DOCK4: variants seen among roughly 807,000 people sequenced by gnomAD.
DOCK4 encodes dedicator of cytokinesis protein 4.
In DOCK4, 97 loss-of-function variants were observed where a neutral mutation model predicts 268.1. The observed-to-expected ratio is 0.36, with a 90% CI of 0.31 to 0.43. The LOEUF (loss-of-function observed/expected upper bound fraction) is 0.43. DOCK4 is among the 20% of genes least tolerant of loss of function. The pLI, the probability that DOCK4 is intolerant of heterozygous loss-of-function variation, is 1.00. For missense variants in DOCK4, 2,145 were observed against 2,455.7 expected (o/e 0.87, Z 2.67); for synonymous variants, 954 against 887.2 (o/e 1.08, Z -1.34).
At chr7:111,741,424 GTTAT>G (rs1293402700) in intron 46 of DOCK4, 112 bp downstream of exon 46, 2 of 1,473,568 alleles carry the variant, frequency 1.4e-6, no homozygotes, top group Non-Finnish European at 1.8e-6. Flanking sequence ...TCGCGGGTTA[GTTAT>G]TTCATTAAGA....
At chr7:111,868,380 A>C (rs1197649356) in intron 21 of DOCK4, among the ~76,000 whole-genome samples, 2 of 152,214 alleles carry the variant, frequency 1.3e-5, no homozygotes, top group Non-Finnish European at 2.9e-5. Flanking sequence ...TTAAATTTAA[A>C]AGAAATTTAA....
chr7:112,059,164 CAG>C (rs1349565934), intron 1 of DOCK4, among the ~76,000 whole-genome samples: 2 of 88,854 alleles, frequency 2.3e-5, no homozygotes, highest in African/African-American at 1.7e-4. Flanking sequence ...TTTTTTGAGA[CAG>C]AGTCTCACTC....
In DOCK4 at chr7:111,739,199, A is replaced by C. The variant is rs1795719287; in HGVS notation, c.5167T>G (p.Ser1723Ala). The C allele has an allele frequency of 6.2e-7, 1 of 1,613,914 alleles. No homozygotes were observed. The highest frequency in any genetic ancestry group is 1.3e-5 in the African/African-American group (1 of 74,932). The change falls in exon 49 of 53, where the codon TCT becomes GCT. Residue 1723 changes from serine (S) to alanine (A), a missense_variant. Transcript: ENST00000428084. ...GGTCTCTCTCTTGGTGACAGGCAAG[A>C]GTTTTCTCGGGAATGTTTGTGTTTG... ...SDKHKHSREN[S>A]CLSPRERPCS...
At chr7:112,004,198 T>G (rs2135317710) in intron 1 of DOCK4, 67 bp from the exon 2 acceptor site, 2 of 1,236,382 alleles carry the variant, frequency 1.6e-6, no homozygotes, top group Non-Finnish European at 2.3e-6. Context: ...TACATGTTAT[T>G]GACTAGGAAA....
intron 37 of DOCK4, among the ~76,000 whole-genome samples, chr7:111,768,273 A>G (rs1006403570): frequency 6.6e-6 from 1 of 152,192 alleles, no homozygotes; most frequent in African/African-American, 2.4e-5. Context: ...AAATGAATTC[A>G]GAGAGTTTGC....
At chr7:112,106,609 A>G (rs923226891) in intron 1 of DOCK4, among the ~76,000 whole-genome samples, 3 of 152,232 alleles carry the variant, frequency 2.0e-5, no homozygotes, top group Non-Finnish European at 4.4e-5. Flanking sequence ...TGTTCACTTC[A>G]TAAGTATTCC....
chr7:111,735,036 A>T lies in DOCK4; in HGVS notation c.5419+18T>A. On this transcript the variant is annotated intron_variant, in intron 51 of 52. Transcript: ENST00000428084. ...GTTATTTTATAAAAGTGATCATTCA[A>T]ATTCTTCAAATACCCACCAGTCTGT... 5.2e-6 allele frequency: 8 copies of T among 1,536,324 alleles called. No individual in the cohort carries two copies. The highest frequency in any genetic ancestry group is 7.1e-6 in the Non-Finnish European group (8 of 1,128,514).
intron 1 of DOCK4, among the ~76,000 whole-genome samples, chr7:112,102,157 G>A (rs1332583305): frequency 6.6e-6 from 1 of 152,098 alleles, no homozygotes; most frequent in Non-Finnish European, 1.5e-5. Flanking sequence ...CGCTCCTTCT[G>A]TACCACTCTG....
At chr7:111,807,844 T>A (rs553152120) in intron 30 of DOCK4, 1 of 152,022 alleles carries the variant, frequency 6.6e-6, no homozygotes, top group African/African-American at 2.4e-5. Context: ...GGCTTAATTA[T>A]ATATACCAAG....
chr7:112,101,422 C>T (rs1810668086), intron 1 of DOCK4, among the ~76,000 whole-genome samples: 1 of 152,194 alleles, frequency 6.6e-6, no homozygotes. Context: ...TACACCGTTG[C>T]TTAGCATCAA....
chr7:111,735,534 A>G (rs1306088709), intron 50 of DOCK4, among the ~76,000 whole-genome samples: 1 of 152,222 alleles, frequency 6.6e-6, no homozygotes, highest in Non-Finnish European at 1.5e-5. Context: ...TGGACAAGTG[A>G]CACCTAAAAA....
intron 23 of DOCK4, among the ~76,000 whole-genome samples, chr7:111,850,961 T>G (rs1413661147): frequency 6.6e-6 from 1 of 152,214 alleles, no homozygotes; most frequent in Non-Finnish European, 1.5e-5. Context: ...CATTAATTAT[T>G]TTTTACTTTA....
chr7:111,755,471 C>A, intron 42 of DOCK4, 44 bp downstream of exon 42: 3 of 1,582,246 alleles, frequency 1.9e-6, no homozygotes, highest in South Asian at 2.2e-5. Flanking sequence ...TCCAAGTGAA[C>A]AACTGTGATG....
intron 1 of DOCK4, among the ~76,000 whole-genome samples, chr7:112,023,199 A>T (rs1802486610): frequency 6.6e-6 from 1 of 152,150 alleles, no homozygotes; most frequent in African/African-American, 2.4e-5. Flanking sequence ...AAGTGCTGGG[A>T]TTACAAGTGT....
At chr7:111,822,268 A>AC (rs1259003605) in intron 27 of DOCK4, 94 bp downstream of exon 27, 1 of 1,080,852 alleles carries the variant, frequency 9.3e-7, no homozygotes, top group African/African-American at 1.6e-5. Context: ...CAAAAAAAAA[A>AC]CTGCAAACTT....
In DOCK4 at chr7:112,164,278, AGAAAAAAGACCCTGTCTT is replaced by A. The variant is rs559853372; in HGVS notation, c.37+41806_37+41823del. ...AGAGTGAGACCCTGTCTCTAAAAAA[AGAAAAAAGACCCTGTCTT>A]GAAGGCATTTGTATTCTAATCATAT... On this transcript the variant is annotated intron_variant, in intron 1 of 52. Coordinates refer to ENST00000428084, the MANE Select transcript of DOCK4 (RefSeq NM_001363540.2). Among the ~76,000 whole-genome samples the A allele has an allele frequency of 2.2e-3, 329 of 152,200 alleles. 3 individuals are homozygous for A. Among genetic ancestry groups the A allele is most frequent in the African/African-American group, 7.7e-3 (320 of 41,522 alleles).
chr7:111,900,672 T>A, intron 14 of DOCK4, 136 bp from the exon 15 acceptor site: 1 of 896,264 alleles, frequency 1.1e-6, no homozygotes, highest in Non-Finnish European at 1.7e-6. Context: ...CTTTGCCGTG[T>A]GTTTCTGTAC....
chr7:111,772,045 G>A lies in DOCK4; in HGVS notation c.3680-2368C>T, dbSNP rs117446583. ...CACAGGCAGTGATGACTTCAAGGGC[G>A]ATGAAAGTCAAATTTACAGAGACAG... is the stretch of plus-strand genomic sequence containing the variant. On this transcript the variant is annotated intron_variant, in intron 36 of 52. Transcript: ENST00000428084. Among the ~76,000 whole-genome samples, 795 of 152,310 alleles carry A rather than the reference G, an allele frequency of 5.2e-3. 3 individuals carry two copies. The highest frequency in any genetic ancestry group is 7.3e-3 in the Non-Finnish European group (494 of 68,030).
At chr7:112,101,330 C>T (rs565842179) in intron 1 of DOCK4, among the ~76,000 whole-genome samples, 3 of 152,338 alleles carry the variant, frequency 2.0e-5, no homozygotes, top group Non-Finnish European at 2.9e-5. Context: ...TGAATCTAGA[C>T]GATGGTCACC....
Sources: allele counts gnomAD v4.1 joint callset (sites outside exome capture counted in the v4.1 genomes callset), GRCh38; gene constraint gnomAD v4.1.1; transcripts MANE v1.5; gene names NCBI Gene and HGNC (gene_info 2026-07-23, HGNC 2026-07-21).